CERK: variants seen among roughly 807,000 people sequenced by gnomAD.
The protein encoded by CERK is acylsphingosine kinase.
In CERK, 39 loss-of-function variants were observed where a neutral mutation model predicts 63.4. That is an observed-to-expected ratio of 0.61 (90% confidence interval 0.48 to 0.80). The LOEUF is 0.80. Among genes scored for constraint, CERK ranks in the 30% least tolerant of loss-of-function variants. The pLI is 0.00. For missense variants in CERK, 670 were observed against 714.1 expected, an observed-to-expected ratio of 0.94 and a Z score of 0.70; for synonymous variants, 302 against 280.0, an observed-to-expected ratio of 1.08 and a Z score of -0.78.
At chr22:46,697,242 G>A (rs922443616) in intron 8 of CERK, among the ~76,000 whole-genome samples, 3 of 152,104 alleles carry the variant, frequency 2.0e-5, no homozygotes, top group Non-Finnish European at 4.4e-5. Flanking sequence ...GTAAAGAGGC[G>A]GGAAAGTCGA....
At chr22:46,705,751 G>A (rs1358646603) in intron 6 of CERK, among the ~76,000 whole-genome samples, 1 of 151,818 alleles carries the variant, frequency 6.6e-6, no homozygotes, top group African/African-American at 2.4e-5. Flanking sequence ...GTGGGTGACT[G>A]GCCAGGCATG....
chr22:46,711,672 G>C (rs2082841741), intron 4 of CERK, among the ~76,000 whole-genome samples: 1 of 152,098 alleles, frequency 6.6e-6, no homozygotes, highest in Non-Finnish European at 1.5e-5. Flanking sequence ...TCTTCCTAGT[G>C]TTTTTCTTGA....
At chr22:46,735,370 G>A (rs2082967647) in intron 1 of CERK, 1 of 152,256 alleles carries the variant, frequency 6.6e-6, no homozygotes, top group African/African-American at 2.4e-5. Context: ...CTCTTGTACA[G>A]TCAGTCACTG....
intron 11 of CERK, 40 bp from the exon 12 acceptor site, chr22:46,690,240 G>C: frequency 6.4e-7 from 1 of 1,571,498 alleles, no homozygotes; most frequent in South Asian, 1.1e-5. Context: ...AGCTCTAAAC[G>C]TCATCGTCTG....
chr22:46,725,253 G>C (rs939102697), intron 1 of CERK, among the ~76,000 whole-genome samples: 1 of 149,126 alleles, frequency 6.7e-6, no homozygotes, highest in Non-Finnish European at 1.5e-5. Context: ...ATAAAGAACC[G>C]GGCCAAGAAT....
rs1275155864 is a variant in CERK, at chr22:46,714,335, T to C, written c.380-2042A>G. On this transcript the variant is annotated intron_variant, in intron 3 of 12. Coordinates refer to ENST00000216264, the MANE Select transcript of CERK (RefSeq NM_022766.6). This position sits in a 1 kb window ranked among gnomAD's most constrained non-coding sequence, Gnocchi z 4.4. ...GGTATGCCCTTGTAGTCCCAGCTACTCTGGAGGCTGAGGTGAGAGAATCAC... is the reference window on the plus strand; with the variant it reads ...GGTATGCCCTTGTAGTCCCAGCTACCCTGGAGGCTGAGGTGAGAGAATCAC... 6.6e-6 allele frequency among the ~76,000 whole-genome samples: 1 copy of C among 152,120 alleles called. No homozygotes were observed. Among genetic ancestry groups the C allele is most frequent in the Non-Finnish European group, 1.5e-5 (1 of 68,020 alleles).
intron 8 of CERK, among the ~76,000 whole-genome samples, chr22:46,698,711 C>A (rs1169050197): frequency 2.0e-5 from 3 of 147,348 alleles, no homozygotes; most frequent in South Asian, 4.4e-4. Context: ...GGCAACAGGG[C>A]AAAACCCTTT....
chr22:46,691,056 T>TACACACACACACACATACACAC (rs2082728866), intron 11 of CERK, among the ~76,000 whole-genome samples: 2 of 147,194 alleles, frequency 1.4e-5, no homozygotes, highest in Non-Finnish European at 3.0e-5. Flanking sequence ...TATACATACA[T>TACACACACACACACATACACAC]ACACACACAC....
chr22:46,716,077 C>G (rs910381834), intron 3 of CERK, among the ~76,000 whole-genome samples: 2 of 152,042 alleles, frequency 1.3e-5, no homozygotes, highest in African/African-American at 2.4e-5. Context: ...GTAGTCTCAG[C>G]TACTTGCGAG....
chr22:46,725,516 TC>T (rs1328192959), intron 1 of CERK, among the ~76,000 whole-genome samples: 3 of 152,142 alleles, frequency 2.0e-5, no homozygotes, highest in Admixed American at 2.0e-4. Flanking sequence ...TGCCACAGCA[TC>T]CGCGGGAGAA....
chr22:46,703,239 C>G (rs2082796346), intron 6 of CERK, among the ~76,000 whole-genome samples: 1 of 152,174 alleles, frequency 6.6e-6, no homozygotes, highest in African/African-American at 2.4e-5. Flanking sequence ...CTCAAAGCAG[C>G]CGGAGCCATG....
At chr22:46,688,025 C>T (rs559679268) in intron 12 of CERK, among the ~76,000 whole-genome samples, 77 of 151,996 alleles carry the variant, frequency 5.1e-4, no homozygotes, top group Non-Finnish European at 8.5e-4. Flanking sequence ...GGTGAAACCC[C>T]GTCTCTACTA....
In CERK at chr22:46,696,526, T is replaced by A. The variant is rs139708230; in HGVS notation, c.944-1211A>T. 2.5e-3 allele frequency among the ~76,000 whole-genome samples: 380 copies of A among 152,282 alleles called. 2 individuals carry two copies. Among genetic ancestry groups the A allele is most frequent in the Non-Finnish European group, 3.1e-3 (213 of 68,004 alleles). ...TCCAGGGTGGCGCCTCACCGACATC[T>A]GATGTCCCGGTTTCTGTCTGCCCCT... is the stretch of plus-strand genomic sequence containing the variant. On this transcript the variant is annotated intron_variant, in intron 8 of 12. Transcript: ENST00000216264.
intron 5 of CERK, among the ~76,000 whole-genome samples, chr22:46,708,566 G>A (rs1222173589): frequency 1.3e-5 from 2 of 152,202 alleles, no homozygotes; most frequent in South Asian, 2.1e-4. Flanking sequence ...GAATAAATGC[G>A]GACAAAATGG....
At chr22:46,692,288 T>C (rs2082735727) in intron 10 of CERK, among the ~76,000 whole-genome samples, 1 of 151,606 alleles carries the variant, frequency 6.6e-6, no homozygotes, top group South Asian at 2.1e-4. Context: ...TAGCCAGGCG[T>C]GGCGGTGCAT....
chr22:46,706,860 C>G (rs1352423581), intron 6 of CERK, among the ~76,000 whole-genome samples: 1 of 152,196 alleles, frequency 6.6e-6, no homozygotes, highest in African/African-American at 2.4e-5. Context: ...TATTCACAAG[C>G]TCTGTCATTA....
At chr22:46,697,915 C>T (rs1202130817) in intron 8 of CERK, among the ~76,000 whole-genome samples, 1 of 152,210 alleles carries the variant, frequency 6.6e-6, no homozygotes, top group Non-Finnish European at 1.5e-5. Flanking sequence ...CTGGCACCAG[C>T]CTTCATTTCT....
At chr22:46,701,010 C>CA (rs57653833) in intron 7 of CERK, among the ~76,000 whole-genome samples, 193 of 128,994 alleles carry the variant, frequency 1.5e-3, no homozygotes, top group African/African-American at 2.3e-3. Context: ...AACTCCATCT[C>CA]AAAAAAAAAA....
In CERK at chr22:46,701,635, CCAA is replaced by C; in HGVS notation, c.788_790del (p.Val263del). On this transcript the variant is annotated inframe_deletion and splice_region_variant, in exon 7 of 13. Transcript: ENST00000216264. ...TGCGCATGCGCAGAGGAGGGGCTCA[CCAA>C]CAACGATATGCAGCGCCGAGGTTTC... 1.3e-6 allele frequency: 2 copies of C among 1,555,550 alleles called. No individual in the cohort carries two copies. The highest frequency in any genetic ancestry group is 4.9e-5 in the East Asian group (2 of 41,088).
Sources: gnomAD v4.1 joint callset for allele counts (sites outside exome capture counted in the v4.1 genomes callset) on GRCh38, gnomAD v4.1.1 for gene constraint, Gnocchi (gnomAD v3.1) non-coding constraint, MANE v1.5 for transcripts, NCBI Gene and HGNC (gene_info 2026-07-23, HGNC 2026-07-21) for gene names.